THSD7B: variants seen among roughly 807,000 people sequenced by gnomAD.
THSD7B encodes thrombospondin type-1 domain-containing protein 7B.
In THSD7B, 138 loss-of-function variants were observed where a neutral mutation model predicts 213.6. That is an observed-to-expected ratio of 0.65 (90% confidence interval 0.56 to 0.74). THSD7B has a LOEUF of 0.74. Ranked by LOEUF, THSD7B falls within the 30% of genes least tolerant of loss-of-function variation. The probability of loss-of-function intolerance (pLI) is 0.00; values close to 1 mark genes in which losing one functional copy is unlikely to be tolerated. For missense variants in THSD7B, 1,931 were observed against 1,991.5 expected (o/e 0.97, Z 0.58); for synonymous variants, 742 against 687.0 (o/e 1.08, Z -1.25).
At chr2:137,190,818 G>A (rs543281794) in intron 7 of THSD7B, among the ~76,000 whole-genome samples, 10 of 152,352 alleles carry the variant, frequency 6.6e-5, no homozygotes, top group African/African-American at 2.4e-4. Flanking sequence ...TTTCCCTCGT[G>A]TGGAGAGTTG....
At chr2:137,276,159 T>A in intron 12 of THSD7B, 133 bp downstream of exon 12, 1 of 686,720 alleles carries the variant, frequency 1.5e-6, no homozygotes, top group Non-Finnish European at 2.4e-6. Context: ...TTATTGATGT[T>A]AAATATAAAT....
chr2:137,318,959 G>T (rs1483960467), intron 12 of THSD7B, among the ~76,000 whole-genome samples: 1 of 151,406 alleles, frequency 6.6e-6, no homozygotes, highest in Non-Finnish European at 1.5e-5. Flanking sequence ...AGGAAGTTCT[G>T]AAGATTGAAT....
chr2:137,510,021 G>A (rs887265193), intron 15 of THSD7B, among the ~76,000 whole-genome samples: 6 of 151,802 alleles, frequency 4.0e-5, no homozygotes, highest in South Asian at 2.1e-4. Context: ...CTTTGCATTA[G>A]AATTATGTCT....
At chr2:137,658,008 G>C (rs1257256975) in intron 24 of THSD7B, among the ~76,000 whole-genome samples, 1 of 152,150 alleles carries the variant, frequency 6.6e-6, no homozygotes, top group East Asian at 1.9e-4. Flanking sequence ...ACCACGCCCG[G>C]CCAATTTTTG....
intron 12 of THSD7B, among the ~76,000 whole-genome samples, chr2:137,289,281 C>T (rs1325381913): frequency 4.1e-5 from 6 of 146,190 alleles, no homozygotes; most frequent in Admixed American, 1.4e-4. Flanking sequence ...TAGAAATCCT[C>T]AATTAAAAAA....
chr2:136,900,585 A>T (rs538396955), intron 2 of THSD7B, among the ~76,000 whole-genome samples: 1 of 152,086 alleles, frequency 6.6e-6, no homozygotes, highest in African/African-American at 2.4e-5. Context: ...CCAAAAAGGG[A>T]TCTGTTTCCT....
At chr2:137,448,775 G>A (rs185054146) in intron 14 of THSD7B, among the ~76,000 whole-genome samples, 112 of 151,478 alleles carry the variant, frequency 7.4e-4, no homozygotes, top group African/African-American at 2.6e-3. Context: ...CTCCAGCCTG[G>A]GCGACAGAGC....
At chr2:136,928,453 A>T (rs967504509) in intron 2 of THSD7B, among the ~76,000 whole-genome samples, 1 of 152,102 alleles carries the variant, frequency 6.6e-6, no homozygotes, top group Non-Finnish European at 1.5e-5. Flanking sequence ...AGCCTAACCC[A>T]CTGCATCCTG....
At chr2:137,168,825 G>T (rs1454949122) in intron 6 of THSD7B, among the ~76,000 whole-genome samples, 1 of 152,018 alleles carries the variant, frequency 6.6e-6, no homozygotes, top group African/African-American at 2.4e-5. Flanking sequence ...AAGAATAGAG[G>T]TCATTCGAGT....
intron 12 of THSD7B, among the ~76,000 whole-genome samples, chr2:137,283,626 C>G (rs1280525445): frequency 1.3e-5 from 2 of 152,074 alleles, no homozygotes; most frequent in African/African-American, 4.8e-5. Context: ...TGAATTTTGT[C>G]AAAGGCCTTT....
intron 14 of THSD7B, among the ~76,000 whole-genome samples, chr2:137,412,320 G>T (rs920291656): frequency 2.6e-5 from 4 of 151,726 alleles, no homozygotes; most frequent in African/African-American, 9.7e-5. Context: ...CCGTATAAAG[G>T]CCAGGCGCGG....
At chr2:137,170,662 C>T in intron 6 of THSD7B, 79 bp from the exon 7 acceptor site, 1 of 1,432,096 alleles carries the variant, frequency 7.0e-7, no homozygotes, top group Non-Finnish European at 9.5e-7. Context: ...TAAAACTTTT[C>T]ATCTCTCACC....
At chr2:137,092,954 A>T (rs1346869903) in intron 3 of THSD7B, among the ~76,000 whole-genome samples, 1 of 152,178 alleles carries the variant, frequency 6.6e-6, no homozygotes, top group Non-Finnish European at 1.5e-5. Context: ...CCCTTTTTTA[A>T]ACCACATTCA....
At chr2:137,098,440 A>C (rs996236294) in intron 4 of THSD7B, among the ~76,000 whole-genome samples, 17 of 152,142 alleles carry the variant, frequency 1.1e-4, no homozygotes, top group Non-Finnish European at 2.9e-5. Flanking sequence ...TAAATAATAT[A>C]AATGGTCCAC....
chr2:137,009,702 T>C (rs111250952), intron 2 of THSD7B, among the ~76,000 whole-genome samples: 17 of 152,178 alleles, frequency 1.1e-4, no homozygotes, highest in African/African-American at 3.6e-4. Flanking sequence ...ATGAGAACAG[T>C]ATGGGGGAAA....
intron 15 of THSD7B, among the ~76,000 whole-genome samples, chr2:137,485,622 C>T (rs538296062): frequency 7.9e-5 from 12 of 152,200 alleles, no homozygotes; most frequent in East Asian, 5.8e-4. Context: ...GGCAGGGCAA[C>T]GTTCAGATTC....
At chr2:137,208,312 G>A (rs1024929716) in intron 7 of THSD7B, among the ~76,000 whole-genome samples, 1 of 152,030 alleles carries the variant, frequency 6.6e-6, no homozygotes, top group Admixed American at 6.6e-5. Flanking sequence ...TCTGTCTGCT[G>A]CTAAATTACC....
chr2:137,136,412 A>G (rs1214583980), intron 5 of THSD7B, among the ~76,000 whole-genome samples: 1 of 152,156 alleles, frequency 6.6e-6, no homozygotes, highest in Non-Finnish European at 1.5e-5. Context: ...GAACAACAGA[A>G]TGGTTTGGCT....
intron 12 of THSD7B, among the ~76,000 whole-genome samples, chr2:137,284,540 G>A (rs1246863195): frequency 6.6e-6 from 1 of 152,068 alleles, no homozygotes; most frequent in Non-Finnish European, 1.5e-5. Context: ...GGCATTTAGT[G>A]CTATAAATTT....
Sources: allele counts gnomAD v4.1 joint callset (sites outside exome capture counted in the v4.1 genomes callset), GRCh38; gene constraint gnomAD v4.1.1; transcripts MANE v1.5; gene names NCBI Gene and HGNC (gene_info 2026-07-23, HGNC 2026-07-21).